MTX2: variants seen among roughly 807,000 people sequenced by gnomAD.
MTX2 encodes the protein metaxin 2.
A neutral mutation model predicts 42.3 loss-of-function variants in MTX2; 35 were observed. The ratio of observed to expected loss-of-function variants is 0.83; its 90% CI spans 0.63 to 1.10. The LOEUF is 1.10. Among genes scored for constraint, MTX2 ranks in the 50% least tolerant of loss-of-function variants. MTX2 has a pLI of 0.00. For missense variants in MTX2, 307 were observed against 304.1 expected (o/e 1.01, Z -0.07); for synonymous variants, 119 against 100.9 (o/e 1.18, Z -1.08).
intron 3 of MTX2, among the ~76,000 whole-genome samples, chr2:176,321,979 C>G (rs1684594618): frequency 6.6e-6 from 1 of 150,836 alleles, no homozygotes; most frequent in African/African-American, 2.4e-5. Flanking sequence ...GGAAGGAGAA[C>G]AGAATTGAAA....
chr2:176,273,104 A>G (rs570394710), intron 1 of MTX2, among the ~76,000 whole-genome samples: 3 of 152,220 alleles, frequency 2.0e-5, no homozygotes, highest in Non-Finnish European at 4.4e-5. Flanking sequence ...GGCAAGAGCC[A>G]GGGACTGAGA....
intron 9 of MTX2, among the ~76,000 whole-genome samples, chr2:176,335,715 G>A (rs1056931129): frequency 6.6e-6 from 1 of 152,028 alleles, no homozygotes; most frequent in Non-Finnish European, 1.5e-5. Context: ...TTGGATAGTG[G>A]TGCCTTTTAT....
chr2:176,311,593 T>C (rs988011757), intron 3 of MTX2, among the ~76,000 whole-genome samples: 1 of 152,232 alleles, frequency 6.6e-6, no homozygotes, highest in Admixed American at 6.5e-5. Context: ...GTTTACCTAC[T>C]CAAGCCTCAG....
At chr2:176,305,149 A>G (rs1431314348) in intron 3 of MTX2, among the ~76,000 whole-genome samples, 1 of 152,068 alleles carries the variant, frequency 6.6e-6, no homozygotes, top group Non-Finnish European at 1.5e-5. Flanking sequence ...TCTTTGGAAT[A>G]AAGAAGAGGA....
intron 5 of MTX2, 107 bp from the exon 6 acceptor site, chr2:176,328,186 T>G: frequency 3.4e-6 from 2 of 583,718 alleles, no homozygotes; most frequent in South Asian, 7.9e-5. Flanking sequence ...ATTTTGGACG[T>G]TTAATTCATT....
intron 9 of MTX2, among the ~76,000 whole-genome samples, chr2:176,330,940 A>T (rs1004561548): frequency 2.0e-5 from 3 of 151,004 alleles, no homozygotes; most frequent in African/African-American, 7.3e-5. Context: ...AAGGTGCTAT[A>T]CATGGAACTA....
chr2:176,337,937 G>A lies in MTX2; in HGVS notation c.*273G>A. The A allele has an allele frequency of 4.6e-6, 1 of 218,200 alleles. No homozygotes were observed. The highest frequency in any genetic ancestry group is 8.9e-6 in the Non-Finnish European group (1 of 112,036). The allele number at this position is 218,200 out of a possible 1,614,324, so 13.5% of individuals were successfully genotyped here. On this transcript the variant is annotated 3_prime_UTR_variant, in exon 10 of 10. Coordinates refer to ENST00000249442, the MANE Select transcript of MTX2 (RefSeq NM_006554.5). ...AAAAATAAAGCTTAAACAACTGTAT[G>A]GATGTTACATTTACTTTCTTTTGAT...
intron 4 of MTX2, among the ~76,000 whole-genome samples, chr2:176,325,331 C>T (rs1575059820): frequency 6.6e-6 from 1 of 151,658 alleles, no homozygotes; most frequent in African/African-American, 2.4e-5. Context: ...TTGCCTGATA[C>T]CTGCAATAAT....
rs1247166026 is a variant in MTX2 at position 176,328,307 on chromosome 2, TGATGGGCTG to T, written c.303_311del (p.Asp101_Leu103del). The T allele has an allele frequency of 6.3e-7, 1 of 1,575,010 alleles. No homozygotes were observed. The highest frequency in any genetic ancestry group is 2.3e-5 in the East Asian group (1 of 43,636). On this transcript the variant is annotated inframe_deletion, in exon 6 of 10. Transcript: ENST00000249442. ...ATTCCCTTTAGGGCCATTCTCTTAG[TGATGGGCTG>T]GAGGAAGTCCAAAAAGCAGAAATGA...
rs555234178 is a variant in MTX2 at position 176,312,905 on chromosome 2, T to G, written c.136-10487T>G. ...AAAAAGAAAGAAAGAAAAGTACTTT[T>G]GGTTATTTTCCTTTATTCTTTTAAC... On this transcript the variant is annotated intron_variant, in intron 3 of 9. Transcript: ENST00000249442. Among the ~76,000 whole-genome samples the G allele has an allele frequency of 1.4e-4, 21 of 151,516 alleles. No individual in the cohort carries two copies. The South Asian group carries it at 4.4e-3, about 32-fold the overall frequency.
At chr2:176,331,582 C>T (rs1684865681) in intron 9 of MTX2, among the ~76,000 whole-genome samples, 1 of 150,984 alleles carries the variant, frequency 6.6e-6, no homozygotes, top group Admixed American at 6.6e-5. Context: ...TTATATTAAT[C>T]TATAACACAA....
At chr2:176,282,399 A>T (rs1392120600) in intron 1 of MTX2, among the ~76,000 whole-genome samples, 1 of 151,966 alleles carries the variant, frequency 6.6e-6, no homozygotes, top group African/African-American at 2.4e-5. Flanking sequence ...TTTGCTGAAC[A>T]TTTTGCCTCC....
intron 3 of MTX2, among the ~76,000 whole-genome samples, chr2:176,313,388 C>CTTTTTTTTTTTTTTTTTTTTTT (rs1207416607): frequency 1.9e-5 from 2 of 103,492 alleles, no homozygotes; most frequent in African/African-American, 7.9e-5. Context: ...TACACTGATT[C>CTTTTTTTTTTTTTTTTTTTTTT]TTTTTTTTTT....
intron 3 of MTX2, among the ~76,000 whole-genome samples, chr2:176,313,739 C>CT (rs940506705): frequency 1.6e-4 from 24 of 152,098 alleles, no homozygotes; most frequent in African/African-American, 5.1e-4. Context: ...GGATTTCCTT[C>CT]TTTTAAATTA....
chr2:176,314,406 C>T (rs1408730226), intron 3 of MTX2, among the ~76,000 whole-genome samples: 1 of 151,086 alleles, frequency 6.6e-6, no homozygotes, highest in East Asian at 1.9e-4. Flanking sequence ...TGCTGCACTC[C>T]AGCCTGGGTG....
chr2:176,314,889 C>T (rs577347656), intron 3 of MTX2, among the ~76,000 whole-genome samples: 2 of 152,234 alleles, frequency 1.3e-5, no homozygotes, highest in East Asian at 3.9e-4. Flanking sequence ...GCAGAAAAGA[C>T]CAAAGATGAA....
At chr2:176,316,555 T>C (rs749118479) in intron 3 of MTX2, among the ~76,000 whole-genome samples, 13 of 151,842 alleles carry the variant, frequency 8.6e-5, no homozygotes, top group Non-Finnish European at 1.2e-4. Flanking sequence ...GCACACACCA[T>C]CATGCTTGTC....
chr2:176,334,254 A>G (rs536669824), intron 9 of MTX2, among the ~76,000 whole-genome samples: 111 of 151,990 alleles, frequency 7.3e-4, no homozygotes, highest in Admixed American at 2.6e-3. Context: ...GCCCATCTAT[A>G]CTACTGGAAG....
chr2:176,309,539 A>T (rs1684243352), intron 3 of MTX2, among the ~76,000 whole-genome samples: 1 of 152,092 alleles, frequency 6.6e-6, no homozygotes, highest in Non-Finnish European at 1.5e-5. Flanking sequence ...GTCTCTTTGT[A>T]GGTCTCTAAG....
Sources: gnomAD v4.1 joint callset for allele counts (sites outside exome capture counted in the v4.1 genomes callset) on GRCh38, gnomAD v4.1.1 for gene constraint, MANE v1.5 for transcripts, NCBI Gene and HGNC (gene_info 2026-07-23, HGNC 2026-07-21) for gene names.